Variants in ERBB4 observed in about 807,000 individuals in gnomAD.
ERBB4 encodes receptor tyrosine-protein kinase erbB-4.
ERBB4 carries 42 observed loss-of-function variants against 158.0 expected under a neutral mutation model. The ratio of observed to expected loss-of-function variants is 0.27; its 90% CI spans 0.21 to 0.34. The LOEUF is 0.34. Among genes scored for constraint, ERBB4 ranks in the 10% least tolerant of loss-of-function variants. The pLI, the probability that ERBB4 is intolerant of heterozygous loss-of-function variation, is 1.00. For synonymous variants in ERBB4, 583 were observed against 558.7 expected, an observed-to-expected ratio of 1.04 and a Z score of -0.61; for missense variants, 1,333 against 1,624.1, an observed-to-expected ratio of 0.82 and a Z score of 3.08.
At chr2:211,999,613 G>T (rs10174063) in intron 2 of ERBB4, among the ~76,000 whole-genome samples, 1 of 151,392 alleles carries the variant, frequency 6.6e-6, no homozygotes, top group East Asian at 1.9e-4. Context: ...TTGTAAAATC[G>T]GCATGGGCAC....
At chr2:212,346,248 A>G (rs1411125364) in intron 1 of ERBB4, among the ~76,000 whole-genome samples, 4 of 152,010 alleles carry the variant, frequency 2.6e-5, no homozygotes, top group Non-Finnish European at 5.9e-5. Flanking sequence ...CATTTAACAG[A>G]TGTGCTGTAT....
intron 2 of ERBB4, among the ~76,000 whole-genome samples, chr2:212,115,262 T>C (rs767522190): frequency 6.6e-6 from 1 of 152,120 alleles, no homozygotes; most frequent in African/African-American, 2.4e-5. Context: ...AATTATACTC[T>C]ATGTGACCAA....
intron 25 of ERBB4, among the ~76,000 whole-genome samples, chr2:211,419,269 G>C (rs2063461421): frequency 6.6e-6 from 1 of 152,026 alleles, no homozygotes; most frequent in Non-Finnish European, 1.5e-5. Context: ...AGAAGGGGAT[G>C]ATAATAATAG....
At chr2:211,949,841 A>G (rs1403419410) in intron 2 of ERBB4, among the ~76,000 whole-genome samples, 1 of 152,100 alleles carries the variant, frequency 6.6e-6, no homozygotes, top group Non-Finnish European at 1.5e-5. Flanking sequence ...ACCTGCTTCA[A>G]TTCTCATATT....
At chr2:212,269,104 TGAAA>T (rs1307585343) in intron 1 of ERBB4, among the ~76,000 whole-genome samples, 1 of 151,776 alleles carries the variant, frequency 6.6e-6, no homozygotes, top group Non-Finnish European at 1.5e-5. Flanking sequence ...AATGGGTACT[TGAAA>T]GAGAGAGCAG....
At chr2:211,464,161 A>AT (rs1208599819) in intron 20 of ERBB4, among the ~76,000 whole-genome samples, 1 of 152,060 alleles carries the variant, frequency 6.6e-6, no homozygotes, top group Non-Finnish European at 1.5e-5. Flanking sequence ...TTATCTTGTT[A>AT]TTTTGTGATT....
intron 3 of ERBB4, among the ~76,000 whole-genome samples, chr2:211,838,675 A>G (rs79970393): frequency 0.015 from 2,239 of 152,284 alleles, 69 homozygotes; most frequent in African/African-American, 0.052. Context: ...GTATGTAAAC[A>G]AAATTCAATA....
Position 212,482,868 on chromosome 2 carries a change from C to T in ERBB4, c.82+55581G>A, listed in dbSNP as rs532746120. Among the ~76,000 whole-genome samples, 23 of 152,222 alleles carry T rather than the reference C, an allele frequency of 1.5e-4. 1 individual carries two copies. The East Asian group carries it at 2.3e-3, about 15-fold the overall frequency. Reference sequence around the variant, plus strand: ...CGATCTCCTGACCTAGTGATCTGCCCGCCTCAGCCTCCCAAAGTGCTGGGA... The same window carrying T: ...CGATCTCCTGACCTAGTGATCTGCCTGCCTCAGCCTCCCAAAGTGCTGGGA... On this transcript the variant is annotated intron_variant, in intron 1 of 27. Coordinates refer to ENST00000342788, the MANE Select transcript of ERBB4 (RefSeq NM_005235.3).
intron 25 of ERBB4, among the ~76,000 whole-genome samples, chr2:211,405,981 A>G (rs1463579882): frequency 6.6e-6 from 1 of 152,064 alleles, no homozygotes. Context: ...TGTTGTTTCT[A>G]TCTCAAAACC....
intron 1 of ERBB4, among the ~76,000 whole-genome samples, chr2:212,287,496 C>T (rs927716757): frequency 6.6e-6 from 1 of 152,104 alleles, no homozygotes; most frequent in Admixed American, 6.5e-5. Context: ...AATGAATCTG[C>T]TCCAAAAGAT....
intron 3 of ERBB4, among the ~76,000 whole-genome samples, chr2:211,875,050 A>AAAAAAAAAAAAAAAAAAAAAAAAAAAC (rs66500425): frequency 1.3e-5 from 1 of 75,872 alleles, no homozygotes; most frequent in African/African-American, 5.4e-5. Context: ...AAAAAAAAAA[A>AAAAAAAAAAAAAAAAAAAAAAAAAAAC]CAAACTCAAA....
At chr2:211,974,000 T>A (rs907469637) in intron 2 of ERBB4, among the ~76,000 whole-genome samples, 4 of 152,140 alleles carry the variant, frequency 2.6e-5, no homozygotes, top group Non-Finnish European at 5.9e-5. Context: ...AAACACCACA[T>A]GTTCTCACTC....
intron 12 of ERBB4, among the ~76,000 whole-genome samples, chr2:211,685,519 C>T (rs190828276): frequency 6.4e-4 from 98 of 152,294 alleles, no homozygotes; most frequent in Non-Finnish European, 1.2e-3. Context: ...TTAATTATGG[C>T]AGCTATGTAA....
intron 7 of ERBB4, 138 bp downstream of exon 7, chr2:211,722,255 A>G: frequency 1.5e-6 from 1 of 686,030 alleles, no homozygotes; most frequent in Non-Finnish European, 2.5e-6. Flanking sequence ...CTTTATTTAT[A>G]AAATGGGGGC....
chr2:211,499,517 G>A (rs956244395), intron 20 of ERBB4, among the ~76,000 whole-genome samples: 3 of 151,904 alleles, frequency 2.0e-5, no homozygotes, highest in African/African-American at 7.2e-5. Flanking sequence ...GCGAGACTCT[G>A]TCTCAGAAAA....
chr2:211,677,831 A>G (rs7588697), intron 13 of ERBB4, among the ~76,000 whole-genome samples: 87,167 of 151,912 alleles, frequency 0.57, 26,068 homozygotes, highest in African/African-American at 0.71. Context: ...TCGAGATCGC[A>G]CCACTGCGCT....
chr2:211,602,799 A>G (rs1182102727), intron 19 of ERBB4, among the ~76,000 whole-genome samples: 1 of 152,212 alleles, frequency 6.6e-6, no homozygotes, highest in Non-Finnish European at 1.5e-5. Flanking sequence ...GGTATCCCCG[A>G]ACTAAAGGAT....
At chr2:211,610,686 T>C (rs1388015280) in intron 19 of ERBB4, among the ~76,000 whole-genome samples, 2 of 152,148 alleles carry the variant, frequency 1.3e-5, no homozygotes, top group African/African-American at 2.4e-5. Context: ...CCTCTAGTCA[T>C]GTACAAAATT....
chr2:212,518,138 A>C (rs1436765427), intron 1 of ERBB4, among the ~76,000 whole-genome samples: 1 of 152,082 alleles, frequency 6.6e-6, no homozygotes. Flanking sequence ...AGATCTATTT[A>C]ATTTGACCAT....
Sources: gnomAD v4.1 joint callset for allele counts (sites outside exome capture counted in the v4.1 genomes callset) on GRCh38, gnomAD v4.1.1 for gene constraint, MANE v1.5 for transcripts, NCBI Gene and HGNC (gene_info 2026-07-23, HGNC 2026-07-21) for gene names.